RAF1: variants seen among roughly 807,000 people sequenced by gnomAD.
The protein encoded by RAF1 is RAF proto-oncogene serine/threonine-protein kinase.
In RAF1, 27 loss-of-function variants were observed where a neutral mutation model predicts 81.1. That is an observed-to-expected ratio of 0.33 (90% CI 0.25 to 0.46). The LOEUF (loss-of-function observed/expected upper bound fraction) is 0.46. RAF1 is among the 20% of genes least tolerant of loss of function. The pLI is 1.00. For missense variants in RAF1, 598 were observed against 826.0 expected, an observed-to-expected ratio of 0.72 and a Z score of 3.38; for synonymous variants, 298 against 294.0, an observed-to-expected ratio of 1.01 and a Z score of -0.14.
chr3:12,649,430 T>C (rs1218430422), intron 1 of RAF1, among the ~76,000 whole-genome samples: 1 of 152,130 alleles, frequency 6.6e-6, no homozygotes, highest in Admixed American at 6.6e-5. Context: ...ACACCTCATC[T>C]TTATAAAAAT....
intron 1 of RAF1, among the ~76,000 whole-genome samples, chr3:12,656,998 G>A (rs1213958123): frequency 7.8e-6 from 1 of 127,986 alleles, no homozygotes; most frequent in African/African-American, 2.9e-5. Flanking sequence ...ACTCCATCTC[G>A]GGGAAAAAAA....
Position 12,606,216 on chromosome 3 carries a change from G to A in RAF1, c.665C>T (p.Ser222Phe), listed in dbSNP as rs2125406396. The A allele has an allele frequency of 6.2e-7, 1 of 1,613,604 alleles. No individual in the cohort carries two copies. Among genetic ancestry groups the A allele is most frequent in the Non-Finnish European group, 8.5e-7 (1 of 1,179,550 alleles). ...AAAAAATTACCTAACAGGCATCCTG[G>A]AAACAGACTCTCGCATACGACGCAT... Residue 222 changes from serine to phenylalanine, a missense_variant, in exon 6 of 18, where the codon TCC becomes TTC. Physicochemically the swap from Ser to Phe is radical, Grantham distance 155 (BLOSUM62 -2). This residue lies in a region of RAF1 where 194 missense variants were observed against 202.7 expected (regional missense o/e 0.96). Transcript: ENST00000442415.
intron 2 of RAF1, among the ~76,000 whole-genome samples, chr3:12,613,006 T>TA (rs1426191339): frequency 6.6e-6 from 1 of 152,148 alleles, no homozygotes; most frequent in Non-Finnish European, 1.5e-5. Flanking sequence ...AAGTGGAAGA[T>TA]ATAGAACTCC....
At chr3:12,611,825 TAAAG>T in intron 3 of RAF1, 121 bp downstream of exon 3, 3 of 759,168 alleles carry the variant, frequency 4.0e-6, no homozygotes, top group East Asian at 2.6e-5. Flanking sequence ...TATCTCTTTA[TAAAG>T]AAAGGTATAG....
At chr3:12,595,987 T>C (rs2058674265) in intron 11 of RAF1, among the ~76,000 whole-genome samples, 1 of 150,710 alleles carries the variant, frequency 6.6e-6, no homozygotes, top group Non-Finnish European at 1.5e-5. Flanking sequence ...GTGATCCTCC[T>C]GCCTCAGTTT....
At chr3:12,617,443 T>C (rs2059404088) in intron 2 of RAF1, among the ~76,000 whole-genome samples, 2 of 151,952 alleles carry the variant, frequency 1.3e-5, no homozygotes, top group African/African-American at 4.8e-5. Context: ...TTTGTAGAGA[T>C]GGGGTTTGCC....
intron 1 of RAF1, among the ~76,000 whole-genome samples, chr3:12,623,459 G>T (rs2059607200): frequency 6.6e-6 from 1 of 152,198 alleles, no homozygotes. Context: ...GTCATTCATA[G>T]TATTTTATTT....
chr3:12,597,305 T>C (rs1006448478), intron 11 of RAF1, among the ~76,000 whole-genome samples: 2 of 152,168 alleles, frequency 1.3e-5, no homozygotes. Context: ...GCTCACTCTA[T>C]TGAGAGAAGA....
chr3:12,612,515 G>A (rs564290585), intron 2 of RAF1, among the ~76,000 whole-genome samples: 1 of 152,088 alleles, frequency 6.6e-6, no homozygotes, highest in Admixed American at 6.5e-5. Context: ...CGGGCATGGT[G>A]GTGGACGCCT....
intron 1 of RAF1, among the ~76,000 whole-genome samples, chr3:12,628,299 G>A (rs1254935969): frequency 1.3e-5 from 2 of 152,062 alleles, no homozygotes; most frequent in African/African-American, 4.8e-5. Flanking sequence ...GGGAGACCAA[G>A]GTAGGAAGAT....
chr3:12,638,778 G>C (rs543622442), intron 1 of RAF1, among the ~76,000 whole-genome samples: 106 of 152,306 alleles, frequency 7.0e-4, no homozygotes, highest in African/African-American at 2.4e-3. Context: ...GCTCATGCCT[G>C]TAATCCCAAC....
chr3:12,617,718 T>C (rs1399316354), intron 2 of RAF1, among the ~76,000 whole-genome samples: 1 of 151,654 alleles, frequency 6.6e-6, no homozygotes, highest in Non-Finnish European at 1.5e-5. Flanking sequence ...AAACCCCGTC[T>C]CTACTAAAAA....
chr3:12,661,919 T>A (rs1019815161), intron 1 of RAF1, among the ~76,000 whole-genome samples: 1 of 152,032 alleles, frequency 6.6e-6, no homozygotes, highest in Middle Eastern at 3.4e-3. Context: ...GCACAGTGGA[T>A]CACACCTGTA....
chr3:12,592,609 T>C (rs867464453), intron 11 of RAF1, among the ~76,000 whole-genome samples: 32 of 152,240 alleles, frequency 2.1e-4, no homozygotes, highest in African/African-American at 7.5e-4. Context: ...CTGACTCCAA[T>C]TGCTATTCTA....
chr3:12,664,036 G>A lies in RAF1; in HGVS notation c.-250C>T. ...CTGACCCTTTTCGGGGCCCAAAAAAGGCAGCAGAAAGCCGTTCCCGCCTCA... is the reference window on the plus strand; with the variant it reads ...CTGACCCTTTTCGGGGCCCAAAAAAAGCAGCAGAAAGCCGTTCCCGCCTCA... On this transcript the variant is annotated 5_prime_UTR_variant, in exon 1 of 18. Transcript: ENST00000442415. The A allele has an allele frequency of 2.5e-6, 1 of 398,536 alleles. No individual in the cohort carries two copies. The highest frequency in any genetic ancestry group is 4.4e-6 in the Non-Finnish European group (1 of 225,988). 24.7% of individuals were successfully genotyped at this position (398,536 alleles called of 1,614,324 possible).
At chr3:12,591,044 T>C (rs1246236053) in intron 12 of RAF1, 70 bp from the exon 12 acceptor site, 2 of 1,429,952 alleles carry the variant, frequency 1.4e-6, no homozygotes, top group Non-Finnish European at 1.9e-6. Flanking sequence ...TGCTTTCCCG[T>C]GGACAGTGGG....
chr3:12,653,373 G>A (rs952585233), intron 1 of RAF1, among the ~76,000 whole-genome samples: 1 of 152,162 alleles, frequency 6.6e-6, no homozygotes, highest in Non-Finnish European at 1.5e-5. Flanking sequence ...AGTGTTACAA[G>A]TTGCATGTGT....
At chr3:12,615,672 TAGG>T (rs577398798) in intron 2 of RAF1, among the ~76,000 whole-genome samples, 82 of 152,258 alleles carry the variant, frequency 5.4e-4, no homozygotes, top group Admixed American at 1.8e-3. Flanking sequence ...TCATAAGCTG[TAGG>T]AGAAGTCAAG....
At chr3:12,591,473 T>C (rs2058512709) in intron 12 of RAF1, among the ~76,000 whole-genome samples, 2 of 152,248 alleles carry the variant, frequency 1.3e-5, no homozygotes, top group Admixed American at 1.3e-4. Flanking sequence ...TTGAGTTTAC[T>C]GTGCCCAGAG....
Sources: gnomAD v4.1 joint callset for allele counts (sites outside exome capture counted in the v4.1 genomes callset) on GRCh38, gnomAD v4.1.1 for gene constraint, gnomAD v4.1.1 regional missense constraint, MANE v1.5 for transcripts, NCBI Gene and HGNC (gene_info 2026-07-23, HGNC 2026-07-21) for gene names.